SLC8A2: variants seen among roughly 807,000 people sequenced by gnomAD.
The protein encoded by SLC8A2 is sodium/calcium exchanger 2.
In SLC8A2, 14 loss-of-function variants were observed where a neutral mutation model predicts 70.2. That is an observed-to-expected ratio of 0.20 (90% CI 0.13 to 0.31). SLC8A2 has a LOEUF of 0.31. Ranked by LOEUF, SLC8A2 falls within the 10% of genes least tolerant of loss-of-function variation. The pLI, the probability that SLC8A2 is intolerant of heterozygous loss-of-function variation, is 1.00. For missense variants in SLC8A2, 779 were observed against 1,320.1 expected, an observed-to-expected ratio of 0.59 and a Z score of 6.35; for synonymous variants, 575 against 594.3, an observed-to-expected ratio of 0.97 and a Z score of 0.47.
chr19:47,468,127 G>T lies in SLC8A2; in HGVS notation c.-16-1708C>A. Among the ~76,000 whole-genome samples the T allele has an allele frequency of 6.6e-6, 1 of 151,504 alleles. No individual in the cohort carries two copies. The highest frequency in any genetic ancestry group is 1.9e-4 in the East Asian group (1 of 5,144). ...CCAGCGTCCTCTCCAGGGCCCGTGA[G>T]GTCCTGCCCAACCTGGCCCCGACTC... On this transcript the variant is annotated intron_variant, in intron 1 of 9. Coordinates refer to ENST00000236877, the MANE Select transcript of SLC8A2 (RefSeq NM_015063.3). The surrounding 1 kb of genome is among the most constrained non-coding windows in gnomAD (Gnocchi z 5.1).
At chr19:47,464,204 C>G (rs1028713773) in intron 2 of SLC8A2, among the ~76,000 whole-genome samples, 1 of 152,134 alleles carries the variant, frequency 6.6e-6, no homozygotes, top group African/African-American at 2.4e-5. Context: ...CTCCACCTCC[C>G]AGGTTCAAGC....
At chr19:47,440,982 A>C (rs544278014) in intron 6 of SLC8A2, among the ~76,000 whole-genome samples, 187 bp downstream of exon 6, 1 of 152,268 alleles carries the variant, frequency 6.6e-6, no homozygotes, top group Non-Finnish European at 1.5e-5. Flanking sequence ...CTGTAATCCC[A>C]AACTCATACA....
rs776660043 is a variant in SLC8A2, at chr19:47,447,809, A to C, written c.1763T>G (p.Met588Arg). Reference sequence around the variant, plus strand: ...TCCGGGCCGCCTCGGGCGTGCTCACATGGTCTCGTCGTCGCCAAACTCCAG... The same window carrying C: ...TCCGGGCCGCCTCGGGCGTGCTCACCTGGTCTCGTCGTCGCCAAACTCCAG... ...GELEFGDDET[M>R]KTLQVKIVDD... The change falls in exon 4 of 10, where the codon ATG (methionine) becomes AGG (arginine). Residue 588 changes from methionine to arginine, a missense_variant and splice_region_variant. Met to Arg is a moderately conservative substitution (Grantham distance 91, BLOSUM62 -1). This residue lies in a region of SLC8A2 where 247 missense variants were observed against 362.8 expected (regional missense o/e 0.68). Transcript: ENST00000236877. This position sits in a 1 kb window ranked among gnomAD's most constrained non-coding sequence, Gnocchi z 5.1. 6 of 1,585,604 alleles carry C rather than the reference A, an allele frequency of 3.8e-6. No individual in the cohort carries two copies. Among genetic ancestry groups the C allele is most frequent in the Non-Finnish European group, 4.3e-6 (5 of 1,174,302 alleles).
chr19:47,469,393 C>T (rs972129329), intron 1 of SLC8A2, among the ~76,000 whole-genome samples: 3 of 152,262 alleles, frequency 2.0e-5, no homozygotes, highest in African/African-American at 7.2e-5. Context: ...AGCATCAAAC[C>T]AAACCCCGCT....
At chr19:47,452,442 GAGAGTGT>G (rs1967253827) in intron 3 of SLC8A2, among the ~76,000 whole-genome samples, 2 of 64,134 alleles carry the variant, frequency 3.1e-5, no homozygotes, top group Non-Finnish European at 6.3e-5. Flanking sequence ...GAGAGAGAGA[GAGAGTGT>G]GTGTGTGTGT....
At chr19:47,459,823 T>A (rs1490319236) in intron 2 of SLC8A2, among the ~76,000 whole-genome samples, 3 of 152,162 alleles carry the variant, frequency 2.0e-5, no homozygotes, top group Non-Finnish European at 2.9e-5. Context: ...GTATGTGTTC[T>A]CTTTCTCTCC....
At chr19:47,452,397 G>GGAGAGAGAGAGAGAGA (rs56184564) in intron 3 of SLC8A2, among the ~76,000 whole-genome samples, 1 of 65,500 alleles carries the variant, frequency 1.5e-5, no homozygotes, top group African/African-American at 6.1e-5. Context: ...ATATATATAT[G>GGAGAGAGAGAGAGAGA]GAGAGAGAGA....
At chr19:47,469,327 G>A (rs953622534) in intron 1 of SLC8A2, among the ~76,000 whole-genome samples, 7 of 152,014 alleles carry the variant, frequency 4.6e-5, no homozygotes, top group South Asian at 2.1e-4. Flanking sequence ...TTCTCCCTCC[G>A]CCTCCCTGGC....
At chr19:47,450,739 T>C (rs1234937209) in intron 3 of SLC8A2, among the ~76,000 whole-genome samples, 1 of 152,154 alleles carries the variant, frequency 6.6e-6, no homozygotes, top group African/African-American at 2.4e-5. Flanking sequence ...TTGGCCACCA[T>C]GCCAGCTGTG....
chr19:47,447,621 TCGTGGGCATGGGTCACAGGCCCCGCC>T lies in SLC8A2; in HGVS notation c.1763+162_1763+187del. 2 of 395,248 alleles carry T rather than the reference TCGTGGGCATGGGTCACAGGCCCCGCC, an allele frequency of 5.1e-6. No individual in the cohort carries two copies. Among genetic ancestry groups the T allele is most frequent in the Non-Finnish European group, 8.7e-6 (2 of 228,902 alleles). The allele number at this position is 395,248 out of a possible 1,614,324, so 24.5% of individuals were successfully genotyped here. On this transcript the variant is annotated intron_variant, in intron 4 of 9. Transcript: ENST00000236877. The surrounding 1 kb of genome is among the most constrained non-coding windows in gnomAD (Gnocchi z 5.1). ...GCTGTTCAGTGAAGCCCCGCCCACG[TCGTGGGCATGGGTCACAGGCCCCGCC>T]CACGTTGCGGGCACGGCCACGCAGG... is the stretch of plus-strand genomic sequence containing the variant.
rs907022540 is a variant in SLC8A2, at chr19:47,441,463, G to A, written c.1764-23C>T. On this transcript the variant is annotated intron_variant, in intron 4 of 9. Coordinates refer to ENST00000236877, the MANE Select transcript of SLC8A2 (RefSeq NM_015063.3). ...TTCCTGTGCAGGGGGTAAGGGGGAG[G>A]CAGAACACTCAGTGTAAGGCCCCCT... 7.6e-6 allele frequency: 11 copies of A among 1,450,286 alleles called. No individual in the cohort carries two copies. The African/African-American group carries it at 8.4e-5, about 11-fold the overall frequency. The allele number at this position is 1,450,286 out of a possible 1,614,324, so 89.8% of individuals were successfully genotyped here. A position where few individuals can be genotyped will look rare whatever the true frequency, so the allele number is the denominator to read the frequency against.
intron 3 of SLC8A2, among the ~76,000 whole-genome samples, chr19:47,449,232 A>G (rs557889717): frequency 6.6e-6 from 1 of 152,114 alleles, no homozygotes; most frequent in African/African-American, 2.4e-5. Context: ...TGGTCAAGAA[A>G]GCCTTTTGGA....
Position 47,430,462 on chromosome 19 carries a change from G to C in SLC8A2, c.2393C>G (p.Thr798Arg). 1.9e-6 allele frequency: 3 copies of C among 1,600,260 alleles called. No individual in the cohort carries two copies. Among genetic ancestry groups the C allele is most frequent in the Non-Finnish European group, 2.6e-6 (3 of 1,175,306 alleles). The stretch of plus-strand genomic sequence containing the variant: ...CAGCGCCGCCACCTTGCTGGCGAAC[G>C]TGTCTGCGAGGCAGAGACATACAGG... ...FVALGTSIPDTFASKVAALQD... is the reference protein window; with the variant it reads ...FVALGTSIPDRFASKVAALQD... The change falls in exon 10 of 10, where the codon ACG (threonine) becomes AGG (arginine). Residue 798 changes from threonine (T) to arginine (R), a missense_variant. Around this residue, in one of 6 missense-constraint regions of SLC8A2, gnomAD observed 108 missense variants for 269.6 expected, o/e 0.40. Transcript: ENST00000236877. The surrounding 1 kb of genome is among the most constrained non-coding windows in gnomAD (Gnocchi z 5.9).
At chr19:47,431,553 ACAGAAGAATCGCTTGAACCTGGGAGG>A (rs1966960191) in intron 9 of SLC8A2, among the ~76,000 whole-genome samples, 1 of 151,032 alleles carries the variant, frequency 6.6e-6, no homozygotes, top group Non-Finnish European at 1.5e-5. Flanking sequence ...GGAGGCTGAG[ACAGAAGAATCGCTTGAACCTGGGAGG>A]CAGAGGTTGC....
intron 2 of SLC8A2, among the ~76,000 whole-genome samples, chr19:47,458,895 C>T (rs1372636730): frequency 6.6e-6 from 1 of 151,320 alleles, no homozygotes; most frequent in African/African-American, 2.4e-5. Flanking sequence ...CTCTCCCCAT[C>T]TCTCTCTCTC....
chr19:47,457,819 T>TTC (rs1336041741), intron 2 of SLC8A2, among the ~76,000 whole-genome samples: 3 of 151,526 alleles, frequency 2.0e-5, no homozygotes, highest in Admixed American at 6.6e-5. Context: ...TCTTCCTTCT[T>TTC]TCTCTCTCTC....
At chr19:47,439,005 G>A (rs1027487532) in intron 6 of SLC8A2, among the ~76,000 whole-genome samples, 2 of 152,146 alleles carry the variant, frequency 1.3e-5, no homozygotes, top group Admixed American at 1.3e-4. Flanking sequence ...GCAGCTGGGC[G>A]TGGCCACGGC....
In SLC8A2 at chr19:47,447,687, A is replaced by G. The variant is rs1967183023; in HGVS notation, c.1763+122T>C. Reference sequence around the variant, plus strand: ...GGCCACGCAGGCCCCTCCCCTCCCGAGGCCCAACCAAGACCCGCCCACTAT... The same window carrying G: ...GGCCACGCAGGCCCCTCCCCTCCCGGGGCCCAACCAAGACCCGCCCACTAT... On this transcript the variant is annotated intron_variant, in intron 4 of 9. Transcript: ENST00000236877. This position sits in a 1 kb window ranked among gnomAD's most constrained non-coding sequence, Gnocchi z 5.1. 1.9e-6 allele frequency: 2 copies of G among 1,030,170 alleles called. No homozygotes were observed. The highest frequency in any genetic ancestry group is 2.6e-6 in the Non-Finnish European group (2 of 756,930). 63.8% of individuals were successfully genotyped at this position (1,030,170 alleles called of 1,614,324 possible). A position where few individuals can be genotyped will look rare whatever the true frequency, so the allele number is the denominator to read the frequency against.
chr19:47,430,230 G>C lies in SLC8A2; in HGVS notation c.2625C>G (p.Tyr875Ter), dbSNP rs1230070127. 6.2e-7 allele frequency: 1 copy of C among 1,610,510 alleles called. No homozygotes were observed. Among genetic ancestry groups the C allele is most frequent in the Non-Finnish European group, 8.5e-7 (1 of 1,178,418 alleles). Residue 875 changes from tyrosine to a stop codon, truncating the protein, a stop_gained, in exon 10 of 10, where the codon TAC becomes TAG. Transcript: ENST00000236877. LOFTEE classifies it high-confidence loss of function. This position sits in a 1 kb window ranked among gnomAD's most constrained non-coding sequence, Gnocchi z 5.9. ...CGCCGCCGATGTGCGGCCGGCGCCG[G>C]TACAGCAGCACGGCAATGCCCACGA... The part of the protein sequence containing the change: ...FAFVGIAVLL[Y>*]RRRPHIGGEL...
Sources: gnomAD v4.1 joint callset for allele counts (sites outside exome capture counted in the v4.1 genomes callset) on GRCh38, gnomAD v4.1.1 for gene constraint, gnomAD v4.1.1 regional missense constraint, Gnocchi (gnomAD v3.1) non-coding constraint, MANE v1.5 for transcripts, NCBI Gene and HGNC (gene_info 2026-07-23, HGNC 2026-07-21) for gene names.